ZNF35: variants seen among roughly 807,000 people sequenced by gnomAD.
ZNF35 encodes the protein zinc finger protein 35 (clone HF.10).
ZNF35 carries 31 observed loss-of-function variants against 45.9 expected under a neutral mutation model. The observed-to-expected ratio is 0.68, with a 90% CI of 0.51 to 0.91. ZNF35 has a LOEUF of 0.91. ZNF35 is among the 40% of genes least tolerant of loss of function. The pLI, the probability that ZNF35 is intolerant of heterozygous loss-of-function variation, is 0.00. For missense variants in ZNF35, 515 were observed against 625.4 expected (o/e 0.82, Z 1.88); for synonymous variants, 205 against 220.2 (o/e 0.93, Z 0.61).
At chr3:44,647,635 T>C (rs879542174), upstream of ZNF35, 9 of 152,316 alleles carry the variant, frequency 5.9e-5, no homozygotes, top group East Asian at 3.9e-4. Flanking sequence ...AATTGACTTA[T>C]TGATATCCAT....
In ZNF35 at chr3:44,651,227, A is replaced by C. The variant is rs148506282; in HGVS notation, c.160A>C (p.Thr54Pro). The change falls in exon 2 of 4, where the codon ACA (threonine) becomes CCA (proline). Residue 54 changes from threonine (T) to proline (P), a missense_variant. Physicochemically the swap from Thr to Pro is conservative, Grantham distance 38. Coordinates refer to ENST00000396056, the MANE Select transcript of ZNF35 (RefSeq NM_003420.4). ...CTGGGCCCCAGTGCAGGGTCTTCAGACAGGCCTTGATGGATCAGAAGAGGA... is the reference window on the plus strand; with the variant it reads ...CTGGGCCCCAGTGCAGGGTCTTCAGCCAGGCCTTGATGGATCAGAAGAGGA... ...KVWAPVQGLQ[T>P]GLDGSEEEEK... 1.2e-4 allele frequency: 191 copies of C among 1,614,066 alleles called. 1 individual carries two copies. In the African/African-American group the frequency reaches 2.1e-3, roughly 17 times the overall value.
upstream of ZNF35, chr3:44,648,082 AAAACTAAAGAGCTGTAACC>A (rs1225161356): frequency 6.6e-6 from 1 of 152,232 alleles, no homozygotes; most frequent in African/African-American, 2.4e-5. Flanking sequence ...ACGAAAACCC[AAAACTAAAGAGCTGTAACC>A]AACTAAAGTG....
At position 44,651,131 on chromosome 3, in the gene ZNF35, G is replaced by A. The variant is rs1230177296; in HGVS notation, c.64G>A (p.Glu22Lys). The A allele has an allele frequency of 2.5e-5, 41 of 1,610,924 alleles. No individual in the cohort carries two copies. Among genetic ancestry groups the A allele is most frequent in the Non-Finnish European group, 3.5e-5 (41 of 1,180,000 alleles). Reference protein sequence around the residue: ...APWGPVKVKKEEEEEENFPGQ... With the variant: ...APWGPVKVKKKEEEEENFPGQ... Reference sequence around the variant, plus strand: ...ATGGGGCCCAGTGAAGGTGAAAAAGGAGGAGGAAGAAGAAGAAAACTTCCC... The same window carrying A: ...ATGGGGCCCAGTGAAGGTGAAAAAGAAGGAGGAAGAAGAAGAAAACTTCCC... Residue 22 changes from glutamate to lysine, a missense_variant, in exon 2 of 4, where the codon GAG (glutamate) becomes AAG (lysine). This residue lies in a region of ZNF35 where 275 missense variants were observed against 295.7 expected (regional missense o/e 0.93). Coordinates refer to ENST00000396056, the MANE Select transcript of ZNF35 (RefSeq NM_003420.4).
intron 3 of ZNF35, among the ~76,000 whole-genome samples, chr3:44,658,321 G>T (rs757995761): frequency 6.6e-6 from 1 of 152,210 alleles, no homozygotes; most frequent in Non-Finnish European, 1.5e-5. Flanking sequence ...AGGTAAGAAG[G>T]CAAGCCTAGG....
In ZNF35 at chr3:44,651,544, G is replaced by A. The variant is rs762774904; in HGVS notation, c.192+285G>A. Among the ~76,000 whole-genome samples, 43 of 152,012 alleles carry A rather than the reference G, an allele frequency of 2.8e-4. 1 individual carries two copies. Among genetic ancestry groups the A allele is most frequent in the South Asian group, 4.1e-4 (2 of 4,826 alleles). Reference sequence around the variant, plus strand: ...TTCTATTCCTATTAAATCAGAATCCGTGGTCCAGGCACAGTGGCTCACACC... The same window carrying A: ...TTCTATTCCTATTAAATCAGAATCCATGGTCCAGGCACAGTGGCTCACACC... On this transcript the variant is annotated intron_variant, in intron 2 of 3. Transcript: ENST00000396056.
At chr3:44,658,230 C>G (rs193275918) in intron 3 of ZNF35, among the ~76,000 whole-genome samples, 7 of 152,328 alleles carry the variant, frequency 4.6e-5, no homozygotes, top group Admixed American at 2.6e-4. Flanking sequence ...ACAGAAACCT[C>G]AGTTGCTAGA....
In ZNF35 at chr3:44,659,626, C is replaced by T. The variant is rs116792244; in HGVS notation, c.1263C>T (p.Ser421=). 1.7e-3 allele frequency: 2,703 copies of T among 1,613,652 alleles called. 46 individuals carry two copies. In the African/African-American group the frequency reaches 0.032, roughly 19 times the overall value. The part of the protein sequence containing the change: ...IHTAEKPYDC[S]ECGKAFSQLS... ...CTGCAGAGAAACCTTACGACTGCAG[C>T]GAATGTGGGAAAGCCTTCAGTCAGC... Residue 421 remains serine (S), a synonymous_variant, in exon 4 of 4, where the codon AGC becomes AGT. Coordinates refer to ENST00000396056, the MANE Select transcript of ZNF35 (RefSeq NM_003420.4). The surrounding 1 kb of genome is among the most constrained non-coding windows in gnomAD (Gnocchi z 4.3).
chr3:44,653,525 C>G (rs1373291137), intron 3 of ZNF35, among the ~76,000 whole-genome samples: 1 of 152,198 alleles, frequency 6.6e-6, no homozygotes, highest in African/African-American at 2.4e-5. Context: ...GCAAGAGATG[C>G]TAGCCGAGGT....
chr3:44,651,508 T>C (rs1703201625), intron 2 of ZNF35, among the ~76,000 whole-genome samples: 1 of 152,158 alleles, frequency 6.6e-6, no homozygotes, highest in Non-Finnish European at 1.5e-5. Context: ...AATCTTGATG[T>C]CCATACTGTA....
intron 3 of ZNF35, among the ~76,000 whole-genome samples, chr3:44,656,686 G>GT (rs1703313469): frequency 6.9e-6 from 1 of 144,832 alleles, no homozygotes; most frequent in Non-Finnish European, 1.5e-5. Context: ...ACTGCACCCG[G>GT]CTTTTTTTTT....
chr3:44,654,800 C>G (rs1703267992), intron 3 of ZNF35, among the ~76,000 whole-genome samples: 1 of 152,048 alleles, frequency 6.6e-6, no homozygotes, highest in African/African-American at 2.4e-5. Flanking sequence ...TTTTCTTTAA[C>G]TTATGTTCAG....
chr3:44,659,417 C>T lies in ZNF35; in HGVS notation c.1054C>T (p.His352Tyr). ...TFTRSSNLIV[H>Y]QRIHTGEKPF... is the part of the protein sequence containing the mutation. ...TACTAGGAGCTCAAACCTCATTGTC[C>T]ACCAGAGGATCCACACTGGGGAGAA... Residue 352 changes from histidine to tyrosine, a missense_variant, in exon 4 of 4, where the codon CAC (histidine) becomes TAC (tyrosine). Around this residue, in one of 3 missense-constraint regions of ZNF35, gnomAD observed 232 missense variants for 304.6 expected, o/e 0.76. Transcript: ENST00000396056. This position sits in a 1 kb window ranked among gnomAD's most constrained non-coding sequence, Gnocchi z 4.3. 6.2e-7 allele frequency: 1 copy of T among 1,612,176 alleles called. No homozygotes were observed.
chr3:44,659,939 G>C lies in ZNF35; in HGVS notation c.1576G>C (p.Val526Leu). The part of the protein sequence containing the change: ...HLMRHHRTHL[V>L]E ...CATGCGACACCATAGAACCCATCTT[G>C]TTGAATAACAAGTAAGGAAGAGGAA... The change falls in exon 4 of 4, where the codon GTT becomes CTT. Residue 526 changes from valine to leucine, a missense_variant. By Grantham distance (32) the Val-to-Leu change is conservative (BLOSUM62 1). Around this residue, in one of 3 missense-constraint regions of ZNF35, gnomAD observed 232 missense variants for 304.6 expected, o/e 0.76. Coordinates refer to ENST00000396056, the MANE Select transcript of ZNF35 (RefSeq NM_003420.4). This position sits in a 1 kb window ranked among gnomAD's most constrained non-coding sequence, Gnocchi z 4.3. 9 of 1,540,584 alleles carry C rather than the reference G, an allele frequency of 5.8e-6. No homozygotes were observed. Among genetic ancestry groups the C allele is most frequent in the Non-Finnish European group, 7.9e-6 (9 of 1,143,988 alleles).
rs1187162270 is a variant in ZNF35, at chr3:44,659,693, C to G, written c.1330C>G (p.Leu444Val). 1.9e-6 allele frequency: 3 copies of G among 1,614,038 alleles called. No individual in the cohort carries two copies. Among genetic ancestry groups the G allele is most frequent in the Non-Finnish European group, 2.5e-6 (3 of 1,180,030 alleles). Residue 444 changes from leucine to valine, a missense_variant, in exon 4 of 4, where the codon CTT becomes GTT. Leu to Val is a conservative substitution (Grantham distance 32). Around this residue, in one of 3 missense-constraint regions of ZNF35, gnomAD observed 232 missense variants for 304.6 expected, o/e 0.76. Transcript: ENST00000396056. The surrounding 1 kb of genome is among the most constrained non-coding windows in gnomAD (Gnocchi z 4.3). ...IVHQRIHSGDLPYVCNECGKA... is the reference protein window; with the variant it reads ...IVHQRIHSGDVPYVCNECGKA... ...CCACCAGAGAATTCACAGTGGAGAT[C>G]TTCCTTACGTGTGTAATGAATGTGG...
chr3:44,660,145 C>A lies in ZNF35; in HGVS notation c.*198C>A. 1.9e-6 allele frequency: 1 copy of A among 513,458 alleles called. No homozygotes were observed. The highest frequency in any genetic ancestry group is 3.2e-5 in the East Asian group (1 of 31,708). The allele number at this position is 513,458 out of a possible 1,614,324, so 31.8% of individuals were successfully genotyped here. A position where few individuals can be genotyped will look rare whatever the true frequency, so the allele number is the denominator to read the frequency against. The stretch of plus-strand genomic sequence containing the variant: ...AAAACAAAAAGTAAGCACCTAAAGG[C>A]AAGGACTTTGTTTTAACTGTACCTT... On this transcript the variant is annotated 3_prime_UTR_variant, in exon 4 of 4. Transcript: ENST00000396056.
chr3:44,651,683 A>T (rs1375506908), intron 2 of ZNF35, among the ~76,000 whole-genome samples: 1 of 152,058 alleles, frequency 6.6e-6, no homozygotes. Flanking sequence ...AATACAAAAA[A>T]TTAGCTTGGC....
In ZNF35 at chr3:44,660,075, G is replaced by C; in HGVS notation, c.*128G>C. On this transcript the variant is annotated 3_prime_UTR_variant, in exon 4 of 4. Coordinates refer to ENST00000396056, the MANE Select transcript of ZNF35 (RefSeq NM_003420.4). ...GTGTCCTTAAAAGTTATAGTTTTCA[G>C]GAATGCAGCAGAAGACACAAGAAAA... is the stretch of plus-strand genomic sequence containing the variant. 9.9e-7 allele frequency: 1 copy of C among 1,012,426 alleles called. No individual in the cohort carries two copies. Among genetic ancestry groups the C allele is most frequent in the Non-Finnish European group, 1.4e-6 (1 of 732,740 alleles). The allele number at this position is 1,012,426 out of a possible 1,614,324, so 62.7% of individuals were successfully genotyped here. A position where few individuals can be genotyped will look rare whatever the true frequency, so the allele number is the denominator to read the frequency against.
At chr3:44,646,551 C>T (rs373205944), upstream of ZNF35, 1 of 1,219,598 alleles carries the variant, frequency 8.2e-7, no homozygotes, top group South Asian at 1.2e-5. Flanking sequence ...ACAGACACAT[C>T]CAGAACGTGG....
Position 44,659,382 on chromosome 3 carries a change from G to A in ZNF35, c.1019G>A (p.Gly340Glu), listed in dbSNP as rs757916801. ...TEKCYECNEC[G>E]KTFTRSSNLI... ...AAATGCTATGAATGTAATGAATGTG[G>A]GAAAACATTTACTAGGAGCTCAAAC... The change falls in exon 4 of 4, where the codon GGG becomes GAG. Residue 340 changes from glycine (G) to glutamate (E), a missense_variant. By Grantham distance (98) the Gly-to-Glu change is moderately conservative. Around this residue, in one of 3 missense-constraint regions of ZNF35, gnomAD observed 232 missense variants for 304.6 expected, o/e 0.76. Transcript: ENST00000396056. This position sits in a 1 kb window ranked among gnomAD's most constrained non-coding sequence, Gnocchi z 4.3. 6.4e-5 allele frequency: 104 copies of A among 1,613,566 alleles called. No individual in the cohort carries two copies. Among genetic ancestry groups the A allele is most frequent in the Non-Finnish European group, 8.5e-5 (100 of 1,179,890 alleles).
Sources: allele counts gnomAD v4.1 joint callset (sites outside exome capture counted in the v4.1 genomes callset), GRCh38; gene constraint gnomAD v4.1.1; regional missense constraint gnomAD v4.1.1; non-coding constraint Gnocchi (gnomAD v3.1); transcripts MANE v1.5; gene names NCBI Gene and HGNC (gene_info 2026-07-23, HGNC 2026-07-21).